The following RAD51B variants were observed in gnomAD, a reference collection of about 807,000 sequenced individuals.
RAD51B encodes the protein RAD51 paralog B.
Under a neutral mutation model 42.2 loss-of-function variants are expected in RAD51B, and 38 were observed. The observed-to-expected ratio is 0.90, with a 90% CI of 0.70 to 1.18. The LOEUF is 1.18. Among genes scored for constraint, RAD51B ranks in the 50% most tolerant of loss-of-function variants. The probability of loss-of-function intolerance (pLI) is 0.00; values close to 1 mark genes in which losing one functional copy is unlikely to be tolerated. For synonymous variants in RAD51B, 154 were observed against 145.2 expected (o/e 1.06, Z -0.43); for missense variants, 373 against 400.7 (o/e 0.93, Z 0.59).
chr14:68,667,683 T>G (rs919325572), intron 11 of RAD51B, among the ~76,000 whole-genome samples: 5 of 152,194 alleles, frequency 3.3e-5, no homozygotes, highest in Non-Finnish European at 7.4e-5. Flanking sequence ...AGTTCCCAGA[T>G]GGAAGAAAAT....
chr14:68,427,122 G>T (rs955895144), intron 9 of RAD51B, among the ~76,000 whole-genome samples: 1 of 152,240 alleles, frequency 6.6e-6, no homozygotes, highest in Non-Finnish European at 1.5e-5. Flanking sequence ...CCTCCACCTA[G>T]ATTTGAAAGG....
At chr14:68,561,763 A>C (rs1889161395) in intron 10 of RAD51B, among the ~76,000 whole-genome samples, 1 of 152,192 alleles carries the variant, frequency 6.6e-6, no homozygotes, top group African/African-American at 2.4e-5. Context: ...CTGAGACGGG[A>C]GCTCCTTCAG....
chr14:68,556,847 C>T (rs940305103), intron 10 of RAD51B, among the ~76,000 whole-genome samples: 1 of 152,194 alleles, frequency 6.6e-6, no homozygotes, highest in Non-Finnish European at 1.5e-5. Context: ...GCATACCCTT[C>T]CTGCCTTGTT....
chr14:68,210,104 C>T (rs1259667428), intron 7 of RAD51B, among the ~76,000 whole-genome samples: 7 of 152,100 alleles, frequency 4.6e-5, no homozygotes, highest in East Asian at 1.9e-4. Context: ...GGACAACAGG[C>T]GTACGCCACC....
chr14:68,326,032 TC>T (rs368238274), intron 8 of RAD51B, among the ~76,000 whole-genome samples: 76,216 of 115,230 alleles, frequency 0.66, 24,852 homozygotes, highest in Non-Finnish European at 0.71. Flanking sequence ...TTATTCTTTT[TC>T]TTTTCTTTTT....
intron 3 of RAD51B, among the ~76,000 whole-genome samples, chr14:67,833,107 GGC>G (rs1456830179): frequency 6.6e-6 from 1 of 152,140 alleles, no homozygotes; most frequent in South Asian, 2.1e-4. Context: ...CAGGTGCAGT[GGC>G]TCACACCTGT....
At chr14:67,988,966 A>G (rs1415596901) in intron 7 of RAD51B, among the ~76,000 whole-genome samples, 1 of 152,248 alleles carries the variant, frequency 6.6e-6, no homozygotes, top group Non-Finnish European at 1.5e-5. Context: ...TTCTGAATTA[A>G]CAGACATTTA....
intron 9 of RAD51B, among the ~76,000 whole-genome samples, chr14:68,430,053 G>A (rs2084960761): frequency 6.6e-6 from 1 of 152,114 alleles, no homozygotes; most frequent in Non-Finnish European, 1.5e-5. Flanking sequence ...AGATCAGATG[G>A]TTGTAGATGT....
intron 7 of RAD51B, among the ~76,000 whole-genome samples, chr14:68,009,000 C>A (rs1042800817): frequency 1.3e-5 from 2 of 151,972 alleles, no homozygotes; most frequent in Non-Finnish European, 2.9e-5. Flanking sequence ...AAACCTATCA[C>A]TTTTACCTTT....
chr14:67,858,168 T>A (rs1299541852), intron 4 of RAD51B: 1 of 152,234 alleles, frequency 6.6e-6, no homozygotes, highest in African/African-American at 2.4e-5. Flanking sequence ...CTTACCTCGT[T>A]ATGTGGGGCA....
At chr14:68,327,383 T>TTG (rs2082270957) in intron 8 of RAD51B, among the ~76,000 whole-genome samples, 4 of 22,672 alleles carry the variant, frequency 1.8e-4, no homozygotes, top group African/African-American at 3.2e-4. Flanking sequence ...TTTTTTGTTG[T>TTG]TTTTTTTTTT....
chr14:67,928,991 CTCT>C (rs1445338940), intron 7 of RAD51B, among the ~76,000 whole-genome samples: 2 of 152,062 alleles, frequency 1.3e-5, no homozygotes, highest in East Asian at 1.9e-4. Flanking sequence ...TTTGGGACGT[CTCT>C]TCTTTTTTCG....
At chr14:68,361,143 G>C (rs1038956386) in intron 8 of RAD51B, among the ~76,000 whole-genome samples, 4 of 152,208 alleles carry the variant, frequency 2.6e-5, no homozygotes, top group African/African-American at 9.7e-5. Flanking sequence ...GAGGGCAGGA[G>C]AAGGTCAGAG....
intron 7 of RAD51B, among the ~76,000 whole-genome samples, chr14:68,101,953 G>A (rs761934967): frequency 2.6e-5 from 4 of 152,222 alleles, no homozygotes; most frequent in Non-Finnish European, 5.9e-5. Context: ...TGAAATCTAA[G>A]TGGAGGTTCC....
intron 7 of RAD51B, among the ~76,000 whole-genome samples, chr14:67,965,920 G>C (rs564116572): frequency 6.6e-6 from 1 of 152,184 alleles, no homozygotes; most frequent in African/African-American, 2.4e-5. Context: ...AGTGGCTGCC[G>C]ACTAGTTTCT....
chr14:68,081,714 G>A (rs11158718), intron 7 of RAD51B, among the ~76,000 whole-genome samples: 19,182 of 152,142 alleles, frequency 0.13, 1,384 homozygotes, highest in Middle Eastern at 0.28. Flanking sequence ...ACAAGGGGGA[G>A]TGGCTTGCTT....
chr14:68,653,642 A>G (rs1425475107), intron 11 of RAD51B, among the ~76,000 whole-genome samples: 1 of 152,186 alleles, frequency 6.6e-6, no homozygotes, highest in African/African-American at 2.4e-5. Flanking sequence ...GCCATTGCCA[A>G]ATGTCTCCTG....
chr14:68,147,220 A>G (rs897365041), intron 7 of RAD51B, among the ~76,000 whole-genome samples: 6 of 152,192 alleles, frequency 3.9e-5, no homozygotes, highest in Non-Finnish European at 7.3e-5. Flanking sequence ...ATTGGATGAC[A>G]CTGGGACTAT....
At chr14:68,238,423 C>T (rs1458630531) in intron 7 of RAD51B, among the ~76,000 whole-genome samples, 2 of 152,220 alleles carry the variant, frequency 1.3e-5, no homozygotes, top group African/African-American at 2.4e-5. Flanking sequence ...ACCTCAGCCT[C>T]CCAAGTAGCT....
Sources: gnomAD v4.1 joint callset for allele counts (sites outside exome capture counted in the v4.1 genomes callset) on GRCh38, gnomAD v4.1.1 for gene constraint, MANE v1.5 for transcripts, NCBI Gene and HGNC (gene_info 2026-07-23, HGNC 2026-07-21) for gene names.